ATG10: variants seen among roughly 807,000 people sequenced by gnomAD.
ATG10 encodes the protein autophagy related 10.
A neutral mutation model predicts 32.1 loss-of-function variants in ATG10; 30 were observed. The ratio of observed to expected loss-of-function variants is 0.94; its 90% CI spans 0.70 to 1.27. The LOEUF is 1.27. Ranked by LOEUF, ATG10 falls within the 50% of genes most tolerant of loss-of-function variation. The pLI is 0.00. For missense variants in ATG10, 233 were observed against 262.3 expected (o/e 0.89, Z 0.77); for synonymous variants, 87 against 91.5 (o/e 0.95, Z 0.28).
intron 5 of ATG10, among the ~76,000 whole-genome samples, chr5:82,227,668 T>G (rs919895991): frequency 6.6e-6 from 1 of 151,994 alleles, no homozygotes; most frequent in African/African-American, 2.4e-5. Flanking sequence ...GAGCCACCAC[T>G]CCTGGCCCCA....
At chr5:82,128,234 C>G (rs1190526919) in intron 3 of ATG10, among the ~76,000 whole-genome samples, 1 of 151,430 alleles carries the variant, frequency 6.6e-6, no homozygotes, top group Non-Finnish European at 1.5e-5. Flanking sequence ...GGTCTTGACT[C>G]TTTATCCAAT....
chr5:82,077,437 G>A (rs111500276), intron 3 of ATG10, among the ~76,000 whole-genome samples: 99 of 152,262 alleles, frequency 6.5e-4, no homozygotes, highest in Non-Finnish European at 1.3e-3. Flanking sequence ...ATAAATGAGA[G>A]AAACTAGCAT....
At chr5:81,993,928 G>A (rs1241585453) in intron 2 of ATG10, among the ~76,000 whole-genome samples, 1 of 152,094 alleles carries the variant, frequency 6.6e-6, no homozygotes, top group African/African-American at 2.4e-5. Flanking sequence ...GATTATAAGG[G>A]GGAGCCAAAG....
intron 5 of ATG10, among the ~76,000 whole-genome samples, chr5:82,234,851 T>C (rs1746495213): frequency 6.6e-6 from 1 of 152,238 alleles, no homozygotes; most frequent in African/African-American, 2.4e-5. Flanking sequence ...CATTAGGTGC[T>C]TTGCTGCCTA....
chr5:82,242,365 G>C (rs527378742), intron 5 of ATG10, among the ~76,000 whole-genome samples: 53 of 152,160 alleles, frequency 3.5e-4, no homozygotes, highest in African/African-American at 1.3e-3. Flanking sequence ...ATGATAACAG[G>C]TTAAGAAAGA....
chr5:81,973,709 T>C (rs1030688011), intron 1 of ATG10, among the ~76,000 whole-genome samples: 3 of 152,200 alleles, frequency 2.0e-5, no homozygotes, highest in Non-Finnish European at 2.9e-5. Context: ...CCAAGTAGAA[T>C]CCTTTCTCAT....
chr5:82,095,811 AC>A (rs953566380), intron 3 of ATG10, among the ~76,000 whole-genome samples: 5 of 151,600 alleles, frequency 3.3e-5, no homozygotes, highest in Admixed American at 1.3e-4. Flanking sequence ...CTTTCTTACC[AC>A]CCCTTTACTC....
At chr5:82,169,134 A>G (rs1054161120) in intron 4 of ATG10, among the ~76,000 whole-genome samples, 3 of 152,134 alleles carry the variant, frequency 2.0e-5, no homozygotes, top group South Asian at 2.1e-4. Flanking sequence ...CTTACGGAAG[A>G]AATAGTTGAA....
intron 2 of ATG10, among the ~76,000 whole-genome samples, chr5:82,029,226 A>C (rs550418359): frequency 1.3e-5 from 2 of 152,238 alleles, no homozygotes; most frequent in Non-Finnish European, 2.9e-5. Context: ...CATTTGGAGA[A>C]AAGTGATAAA....
chr5:82,069,803 T>G (rs1015291541), intron 3 of ATG10, among the ~76,000 whole-genome samples: 7 of 152,232 alleles, frequency 4.6e-5, no homozygotes, highest in Non-Finnish European at 8.8e-5. Context: ...TAAAGTTTAT[T>G]TCTGAATTTA....
At chr5:82,003,627 C>T (rs961630733) in intron 2 of ATG10, among the ~76,000 whole-genome samples, 7 of 152,178 alleles carry the variant, frequency 4.6e-5, no homozygotes, top group African/African-American at 1.7e-4. Flanking sequence ...ACCATGTATT[C>T]ATAATGTTAG....
At chr5:82,083,859 C>T (rs1764573260) in intron 3 of ATG10, among the ~76,000 whole-genome samples, 1 of 152,134 alleles carries the variant, frequency 6.6e-6, no homozygotes, top group South Asian at 2.1e-4. Flanking sequence ...TAGATAAAAC[C>T]ACAAAGATGC....
At chr5:82,136,799 A>G (rs1766773832) in intron 3 of ATG10, among the ~76,000 whole-genome samples, 2 of 152,198 alleles carry the variant, frequency 1.3e-5, no homozygotes, top group Non-Finnish European at 2.9e-5. Context: ...AATATCCTGA[A>G]GAGTGTTTTC....
intron 3 of ATG10, among the ~76,000 whole-genome samples, chr5:82,157,903 G>A (rs1289538176): frequency 6.6e-6 from 1 of 152,076 alleles, no homozygotes. Context: ...TTTCCTCAAG[G>A]GATGTTATGA....
intron 3 of ATG10, among the ~76,000 whole-genome samples, chr5:82,086,932 T>A (rs902546772): frequency 2.0e-5 from 3 of 152,200 alleles, no homozygotes; most frequent in Admixed American, 6.5e-5. Flanking sequence ...AAATATGCTT[T>A]CATCTGTATA....
intron 1 of ATG10, among the ~76,000 whole-genome samples, chr5:81,974,211 GA>G (rs919664308): frequency 6.7e-6 from 1 of 150,286 alleles, no homozygotes; most frequent in East Asian, 1.9e-4. Context: ...GGAACCTTAA[GA>G]AAAAAAAAGC....
At chr5:82,089,259 T>C (rs1226464869) in intron 3 of ATG10, among the ~76,000 whole-genome samples, 1 of 152,036 alleles carries the variant, frequency 6.6e-6, no homozygotes, top group African/African-American at 2.4e-5. Flanking sequence ...GGAGAATCAC[T>C]TGAACCCAGG....
chr5:82,150,011 TA>T (rs1219490548), intron 3 of ATG10, among the ~76,000 whole-genome samples: 9 of 147,458 alleles, frequency 6.1e-5, no homozygotes, highest in South Asian at 2.2e-4. Flanking sequence ...TTTAATCCAT[TA>T]AAAAAAGTTA....
chr5:82,160,277 T>C (rs2149894340), intron 3 of ATG10, among the ~76,000 whole-genome samples: 1 of 152,332 alleles, frequency 6.6e-6, no homozygotes, highest in Non-Finnish European at 1.5e-5. Context: ...TCATACGGTA[T>C]ATAACTTTTG....
Sources: gnomAD v4.1 joint callset for allele counts (sites outside exome capture counted in the v4.1 genomes callset) on GRCh38, gnomAD v4.1.1 for gene constraint, MANE v1.5 for transcripts, NCBI Gene and HGNC (gene_info 2026-07-23, HGNC 2026-07-21) for gene names.